The following FRMD4B variants were observed in gnomAD, a reference collection of about 807,000 sequenced individuals.
The protein encoded by FRMD4B is FERM domain containing 4B.
FRMD4B carries 74 observed loss-of-function variants against 141.5 expected under a neutral mutation model. The ratio of observed to expected loss-of-function variants is 0.52; its 90% confidence interval spans 0.43 to 0.63. The LOEUF (loss-of-function observed/expected upper bound fraction) is 0.63, where lower values mean the gene tolerates loss of function less well. Among genes scored for constraint, FRMD4B ranks in the 30% least tolerant of loss-of-function variants. FRMD4B has a pLI of 0.00. For synonymous variants in FRMD4B, 506 were observed against 467.9 expected (o/e 1.08, Z -1.05); for missense variants, 1,366 against 1,253.4 (o/e 1.09, Z -1.36).
intron 7 of FRMD4B, 133 bp from the exon 8 acceptor site, chr3:69,224,823 C>CCTG: frequency 1.7e-6 from 1 of 598,718 alleles, no homozygotes; most frequent in South Asian, 2.2e-5. Context: ...TGGTTATGGA[C>CCTG]TCTAACTAGA....
At chr3:69,205,136 G>A (rs1190142704) in intron 11 of FRMD4B, among the ~76,000 whole-genome samples, 4 of 148,352 alleles carry the variant, frequency 2.7e-5, no homozygotes, top group African/African-American at 7.5e-5. Flanking sequence ...AGCAATTACA[G>A]CAGCCATTTG....
intron 1 of FRMD4B, among the ~76,000 whole-genome samples, chr3:69,383,764 T>C (rs1399972217): frequency 6.6e-6 from 1 of 152,070 alleles, no homozygotes; most frequent in African/African-American, 2.4e-5. Context: ...CTCACTATGT[T>C]GCTCAGACTG....
intron 1 of FRMD4B, among the ~76,000 whole-genome samples, chr3:69,454,797 A>C (rs2106899687): frequency 6.6e-6 from 1 of 152,316 alleles, no homozygotes; most frequent in Non-Finnish European, 1.5e-5. Flanking sequence ...CAACTGCTAA[A>C]GGGCTGAGGA....
chr3:69,196,054 A>G (rs1472467622), intron 14 of FRMD4B, among the ~76,000 whole-genome samples: 1 of 152,204 alleles, frequency 6.6e-6, no homozygotes, highest in Admixed American at 6.5e-5. Flanking sequence ...GACATGCACA[A>G]CCTATTTATA....
At chr3:69,233,251 C>T (rs913528863) in intron 7 of FRMD4B, among the ~76,000 whole-genome samples, 1 of 151,912 alleles carries the variant, frequency 6.6e-6, no homozygotes, top group South Asian at 2.1e-4. Context: ...CTTTGGGAGG[C>T]GAGATGGATC....
chr3:69,447,942 C>T (rs1361513658), intron 1 of FRMD4B, among the ~76,000 whole-genome samples: 1 of 151,522 alleles, frequency 6.6e-6, no homozygotes, highest in Non-Finnish European at 1.5e-5. Flanking sequence ...ATTTATTTAT[C>T]CATTCACCTT....
intron 7 of FRMD4B, among the ~76,000 whole-genome samples, chr3:69,244,935 A>C (rs2093412474): frequency 6.6e-6 from 1 of 152,184 alleles, no homozygotes; most frequent in Non-Finnish European, 1.5e-5. Flanking sequence ...GGGGAAAAAA[A>C]GCTAATATAA....
chr3:69,386,668 G>A (rs1410171912), upstream of FRMD4B, among the ~76,000 whole-genome samples: 4 of 152,204 alleles, frequency 2.6e-5, no homozygotes, highest in Non-Finnish European at 5.9e-5. Flanking sequence ...GGAGATGAAG[G>A]CAACAGTCTC....
intron 1 of FRMD4B, among the ~76,000 whole-genome samples, chr3:69,481,941 C>G (rs902196069): frequency 2.0e-5 from 3 of 152,154 alleles, no homozygotes; most frequent in Admixed American, 6.5e-5. Context: ...CAGGTAGAGC[C>G]AAGCAGAAAA....
intron 1 of FRMD4B, among the ~76,000 whole-genome samples, chr3:69,385,474 C>T (rs543489822): frequency 6.6e-6 from 1 of 152,148 alleles, no homozygotes; most frequent in Non-Finnish European, 1.5e-5. Flanking sequence ...CTCCCACCCC[C>T]AATGAAATTA....
intron 1 of FRMD4B, among the ~76,000 whole-genome samples, chr3:69,476,955 T>G (rs1176445469): frequency 2.0e-5 from 3 of 152,150 alleles, no homozygotes; most frequent in Non-Finnish European, 4.4e-5. Flanking sequence ...TATTTTATTC[T>G]CTTTGAAGCA....
chr3:69,374,325 AG>A (rs1703910569), intron 1 of FRMD4B, among the ~76,000 whole-genome samples: 1 of 152,202 alleles, frequency 6.6e-6, no homozygotes, highest in Non-Finnish European at 1.5e-5. Context: ...TTTTTATCCC[AG>A]GTTCAGCTGG....
intron 1 of FRMD4B, chr3:69,536,275 G>C: frequency 3.2e-6 from 2 of 621,076 alleles, no homozygotes. Context: ...GGACCATCAG[G>C]GGGCCATCTC....
At chr3:69,364,948 T>A (rs2107474350) in intron 1 of FRMD4B, among the ~76,000 whole-genome samples, 1 of 152,130 alleles carries the variant, frequency 6.6e-6, no homozygotes, top group East Asian at 1.9e-4. Context: ...ACAGAAGAGA[T>A]AAAACAAAAT....
chr3:69,334,753 C>A (rs565557096), intron 1 of FRMD4B, among the ~76,000 whole-genome samples: 7 of 152,288 alleles, frequency 4.6e-5, no homozygotes, highest in African/African-American at 1.7e-4. Flanking sequence ...TGACTAGCAT[C>A]CATTCACATA....
chr3:69,369,249 AT>A (rs1451643048), intron 1 of FRMD4B, among the ~76,000 whole-genome samples: 5 of 152,236 alleles, frequency 3.3e-5, no homozygotes, highest in African/African-American at 9.6e-5. Flanking sequence ...ACATACATGT[AT>A]TTGTACATTT....
chr3:69,183,637 C>T lies in FRMD4B; in HGVS notation c.1920-920G>A, dbSNP rs1418849221. Among the ~76,000 whole-genome samples, 5 of 151,866 alleles carry T rather than the reference C, an allele frequency of 3.3e-5. No individual in the cohort carries two copies. In the South Asian group the frequency reaches 6.2e-4, roughly 19 times the overall value. ...AGCTGGGACCACAGGCGCCCACCAC[C>T]ACGCCTGGCTAATTTTTTGTAGTTT... On this transcript the variant is annotated intron_variant, in intron 19 of 22. Transcript: ENST00000398540.
At chr3:69,256,612 C>T (rs1199241740) in intron 5 of FRMD4B, among the ~76,000 whole-genome samples, 2 of 152,140 alleles carry the variant, frequency 1.3e-5, no homozygotes, top group African/African-American at 4.8e-5. Flanking sequence ...GAGCCATGGC[C>T]CCTGGCCACC....
At chr3:69,491,215 A>T (rs1706296561) in intron 1 of FRMD4B, among the ~76,000 whole-genome samples, 1 of 152,196 alleles carries the variant, frequency 6.6e-6, no homozygotes, top group Admixed American at 6.5e-5. Context: ...CCATGCAGCG[A>T]TTACTCAGAC....
Sources: gnomAD v4.1 joint callset for allele counts (sites outside exome capture counted in the v4.1 genomes callset) on GRCh38, gnomAD v4.1.1 for gene constraint, MANE v1.5 for transcripts, NCBI Gene and HGNC (gene_info 2026-07-23, HGNC 2026-07-21) for gene names.